The following FAM117B variants were observed in gnomAD, a reference collection of about 807,000 sequenced individuals.
FAM117B encodes protein FAM117B.
In FAM117B, 22 loss-of-function variants were observed where a neutral mutation model predicts 52.8. The observed-to-expected ratio is 0.42, with a 90% confidence interval of 0.30 to 0.59. The LOEUF is 0.59. Ranked by LOEUF, FAM117B falls within the 20% of genes least tolerant of loss-of-function variation. The probability of loss-of-function intolerance (pLI) is 0.22; values close to 1 mark genes in which losing one functional copy is unlikely to be tolerated. For missense variants in FAM117B, 678 were observed against 802.6 expected (o/e 0.84, Z 1.88); for synonymous variants, 309 against 324.1 (o/e 0.95, Z 0.50).
At chr2:202,713,810 AAT>A (rs2105783000) in intron 2 of FAM117B, among the ~76,000 whole-genome samples, 1 of 152,216 alleles carries the variant, frequency 6.6e-6, no homozygotes, top group South Asian at 2.1e-4. Context: ...GGGTTCAAAC[AAT>A]TCTCTTGCCT....
chr2:202,677,665 A>G (rs951955591), intron 1 of FAM117B, among the ~76,000 whole-genome samples: 4 of 152,220 alleles, frequency 2.6e-5, no homozygotes, highest in African/African-American at 4.8e-5. Context: ...TAAGTTTTCC[A>G]TCCTCACTTT....
chr2:202,641,342 G>C (rs2105751648), intron 1 of FAM117B, among the ~76,000 whole-genome samples: 1 of 152,262 alleles, frequency 6.6e-6, no homozygotes, highest in Admixed American at 6.5e-5. Context: ...GTGTTGGGAT[G>C]GGGAGAGCGG....
intron 4 of FAM117B, among the ~76,000 whole-genome samples, chr2:202,732,046 CTTTTTT>C (rs758181285): frequency 2.2e-5 from 3 of 135,002 alleles, no homozygotes; most frequent in South Asian, 2.4e-4. Flanking sequence ...ATTTATTTTT[CTTTTTT>C]TTTTTTTTTT....
At chr2:202,702,132 C>T (rs969175890) in intron 2 of FAM117B, among the ~76,000 whole-genome samples, 2 of 152,148 alleles carry the variant, frequency 1.3e-5, no homozygotes, top group Non-Finnish European at 2.9e-5. Context: ...GTGGCTCACA[C>T]CTGTAATCCC....
At chr2:202,746,646 G>C (rs570763260) in intron 4 of FAM117B, among the ~76,000 whole-genome samples, 7 of 152,120 alleles carry the variant, frequency 4.6e-5, no homozygotes, top group African/African-American at 1.7e-4. Flanking sequence ...AAACCTAGAG[G>C]AAATGGGTAA....
intron 1 of FAM117B, among the ~76,000 whole-genome samples, chr2:202,677,555 A>C (rs533003608): frequency 1.3e-5 from 2 of 152,314 alleles, no homozygotes; most frequent in South Asian, 4.1e-4. Context: ...ATTCTGTGAG[A>C]GGCCTTCTAA....
intron 1 of FAM117B, among the ~76,000 whole-genome samples, chr2:202,675,411 A>G (rs1055823801): frequency 7.9e-5 from 11 of 138,858 alleles, no homozygotes; most frequent in Non-Finnish European, 1.7e-4. Flanking sequence ...GTGCCACCGC[A>G]CTACCGCCTG....
At position 202,686,869 on chromosome 2, in the gene FAM117B, G is replaced by A. The variant is rs185925808; in HGVS notation, c.602-9012G>A. 5.9e-5 allele frequency among the ~76,000 whole-genome samples: 9 copies of A among 151,702 alleles called. No individual in the cohort carries two copies. In the East Asian group the frequency reaches 9.7e-4, roughly 16 times the overall value. The stretch of plus-strand genomic sequence containing the variant: ...TATTTTGTATTAATCTGGGTTCTCC[G>A]GAGAAACAGAACCAATAGGATACAT... On this transcript the variant is annotated intron_variant, in intron 1 of 7. Coordinates refer to ENST00000392238, the MANE Select transcript of FAM117B (RefSeq NM_173511.4).
At chr2:202,692,386 A>T (rs1215712723) in intron 1 of FAM117B, among the ~76,000 whole-genome samples, 1 of 152,238 alleles carries the variant, frequency 6.6e-6, no homozygotes, top group East Asian at 1.9e-4. Flanking sequence ...AGGGGTCAGC[A>T]AACTTCTTCT....
chr2:202,725,695 T>G (rs1243312656), intron 3 of FAM117B, among the ~76,000 whole-genome samples: 1 of 152,198 alleles, frequency 6.6e-6, no homozygotes, highest in Non-Finnish European at 1.5e-5. Context: ...TATGGCTCCA[T>G]GCTATGATTA....
chr2:202,759,449 A>T, intron 7 of FAM117B, 96 bp downstream of exon 7: 1 of 1,447,364 alleles, frequency 6.9e-7, no homozygotes, highest in Non-Finnish European at 9.3e-7. Flanking sequence ...GACTGCACTG[A>T]TGCAGTCACA....
intron 2 of FAM117B, among the ~76,000 whole-genome samples, chr2:202,704,178 T>A (rs1341572084): frequency 1.3e-5 from 2 of 152,202 alleles, no homozygotes; most frequent in African/African-American, 2.4e-5. Flanking sequence ...ATAGTACCAA[T>A]TTTTTGAGGT....
chr2:202,669,929 A>G (rs921597402), intron 1 of FAM117B, among the ~76,000 whole-genome samples: 1 of 152,224 alleles, frequency 6.6e-6, no homozygotes, highest in African/African-American at 2.4e-5. Flanking sequence ...AAACATAGAT[A>G]GATGTGGCCA....
At chr2:202,647,839 T>A (rs1339744257) in intron 1 of FAM117B, among the ~76,000 whole-genome samples, 1 of 151,720 alleles carries the variant, frequency 6.6e-6, no homozygotes, top group African/African-American at 2.4e-5. Context: ...AGGAAGTATC[T>A]GACATTTTTT....
In FAM117B at chr2:202,757,298, C is replaced by G; in HGVS notation, c.1190C>G (p.Pro397Arg). 1 of 1,614,154 alleles carries G rather than the reference C, an allele frequency of 6.2e-7. No individual in the cohort carries two copies. Among genetic ancestry groups the G allele is most frequent in the Non-Finnish European group, 8.5e-7 (1 of 1,180,038 alleles). Residue 397 changes from proline to arginine, a missense_variant, in exon 6 of 8, where the codon CCT becomes CGT. Transcript: ENST00000392238. Reference sequence around the variant, plus strand: ...ACGCGCAGCATTGACACACAGACGCCTGGTGGGGCAGACAGGGGAAGCAAC... The same window carrying G: ...ACGCGCAGCATTGACACACAGACGCGTGGTGGGGCAGACAGGGGAAGCAAC... ...SSTRSIDTQT[P>R]GGADRGSNNS... is the part of the protein sequence containing the mutation.
chr2:202,749,212 C>T (rs1467476620), intron 4 of FAM117B, among the ~76,000 whole-genome samples: 1 of 152,038 alleles, frequency 6.6e-6, no homozygotes, highest in Non-Finnish European at 1.5e-5. Context: ...GAAAATAGCT[C>T]CTCACCCCAG....
intron 4 of FAM117B, among the ~76,000 whole-genome samples, chr2:202,742,250 G>C (rs1346486075): frequency 3.3e-5 from 5 of 152,204 alleles, no homozygotes; most frequent in Non-Finnish European, 7.3e-5. Context: ...GCAAAGCTGT[G>C]AAAAGGAAAA....
intron 1 of FAM117B, among the ~76,000 whole-genome samples, chr2:202,649,771 C>T (rs528729735): frequency 1.3e-5 from 2 of 152,170 alleles, no homozygotes; most frequent in South Asian, 2.1e-4. Context: ...AGGCTGGTCT[C>T]GAACTCCTGA....
At chr2:202,651,057 ATTC>A (rs1689948311) in intron 1 of FAM117B, among the ~76,000 whole-genome samples, 1 of 136,238 alleles carries the variant, frequency 7.3e-6, no homozygotes, top group African/African-American at 2.8e-5. Flanking sequence ...CTAATTTGCC[ATTC>A]TTTTTTTTTT....
Sources: gnomAD v4.1 joint callset for allele counts (sites outside exome capture counted in the v4.1 genomes callset) on GRCh38, gnomAD v4.1.1 for gene constraint, MANE v1.5 for transcripts, NCBI Gene and HGNC (gene_info 2026-07-23, HGNC 2026-07-21) for gene names.